The following MTUS1 variants were observed in gnomAD, a reference collection of about 807,000 sequenced individuals.
The protein encoded by MTUS1 is microtubule associated scaffold protein 1.
MTUS1 carries 109 observed loss-of-function variants against 120.8 expected under a neutral mutation model. The observed-to-expected ratio is 0.90, with a 90% CI of 0.77 to 1.06. MTUS1 has a LOEUF of 1.06. Ranked by LOEUF, MTUS1 falls within the 50% of genes least tolerant of loss-of-function variation. The pLI is 0.00. For synonymous variants in MTUS1, 737 were observed against 550.5 expected (o/e 1.34, Z -4.74); for missense variants, 2,210 against 1,486.3 (o/e 1.49, Z -8.01).
At chr8:17,771,746 G>A (rs926180208) in intron 1 of MTUS1, among the ~76,000 whole-genome samples, 5 of 152,160 alleles carry the variant, frequency 3.3e-5, no homozygotes, top group Admixed American at 1.3e-4. Context: ...ACTATTTTCC[G>A]ATAAACAGGG....
Position 17,655,894 on chromosome 8 carries a change from G to A in MTUS1, c.3077C>T (p.Ala1026Val). Residue 1026 changes from alanine (A) to valine (V), a missense_variant, in exon 9 of 15, where the codon GCA becomes GTA. By Grantham distance (64) the Ala-to-Val change is moderately conservative. Coordinates refer to ENST00000693296, the MANE Select transcript of MTUS1 (RefSeq NM_001363059.2). ...EKLRDTYIEE[A>V]EKYKMQLQEQ... The stretch of plus-strand genomic sequence containing the variant: ...TTGCAATTGCATTTTGTACTTCTCT[G>A]CTTCTTCAATGTAAGTGTCCCGAAG... 6.2e-7 allele frequency: 1 copy of A among 1,614,202 alleles called. No individual in the cohort carries two copies. Among genetic ancestry groups the A allele is most frequent in the Non-Finnish European group, 8.5e-7 (1 of 1,180,038 alleles).
chr8:17,754,837 G>A lies in MTUS1; in HGVS notation c.971C>T (p.Ser324Leu), dbSNP rs2048477712. 1.2e-6 allele frequency: 2 copies of A among 1,614,100 alleles called. No individual in the cohort carries two copies. The highest frequency in any genetic ancestry group is 1.7e-5 in the Admixed American group (1 of 60,012). The change falls in exon 2 of 15, where the codon TCA becomes TTA. Residue 324 changes from serine to leucine, a missense_variant. By Grantham distance (145) the Ser-to-Leu change is moderately radical. Transcript: ENST00000693296. ...SHDESNSEPH[S>L]QSSYRHKEMG... ...TTCCTTGTGCCTGTATGAGCTCTGT[G>A]AATGTGGTTCGCTATTGGATTCATC...
chr8:17,645,828 G>A lies in MTUS1; in HGVS notation c.*98C>T, dbSNP rs1045298669. ...CAGTTACCCTACGGTGATCACACGT[G>A]TGCTGATATACCTCTTGTGCCCACG... On this transcript the variant is annotated 3_prime_UTR_variant, in exon 15 of 15. Transcript: ENST00000693296. The A allele has an allele frequency of 1.4e-6, 2 of 1,468,458 alleles. No homozygotes were observed. Among genetic ancestry groups the A allele is most frequent in the East Asian group, 4.9e-5 (2 of 40,590 alleles). The allele number at this position is 1,468,458 out of a possible 1,614,324, so 91.0% of individuals were successfully genotyped here.
intron 5 of MTUS1, among the ~76,000 whole-genome samples, chr8:17,714,894 CTTTTTTTT>C (rs34479493): frequency 7.3e-5 from 4 of 55,172 alleles, no homozygotes; most frequent in African/African-American, 2.3e-4. Flanking sequence ...ACAAATAATG[CTTTTTTTT>C]TTTTTTTTTT....
chr8:17,653,644 G>A (rs1217907108), intron 10 of MTUS1, 146 bp from the exon 11 acceptor site: 4 of 616,132 alleles, frequency 6.5e-6, no homozygotes, highest in African/African-American at 5.7e-5. Flanking sequence ...ATGTAAATTG[G>A]CCATCTGTTC....
chr8:17,680,462 CGCAAAAAAAAAAAAAAAA>C (rs1237611613), intron 7 of MTUS1, among the ~76,000 whole-genome samples: 2 of 92,212 alleles, frequency 2.2e-5, no homozygotes, highest in Non-Finnish European at 4.1e-5. Flanking sequence ...AGGCCACTGT[CGCAAAAAAAAAAAAAAAA>C]AAAAAAAAAA....
intron 1 of MTUS1, among the ~76,000 whole-genome samples, chr8:17,787,740 C>T (rs1178919203): frequency 6.6e-6 from 1 of 152,208 alleles, no homozygotes; most frequent in African/African-American, 2.4e-5. Context: ...TACATTGCTA[C>T]TGTTATGCCA....
chr8:17,769,986 G>T (rs1413110849), intron 1 of MTUS1, among the ~76,000 whole-genome samples: 1 of 151,352 alleles, frequency 6.6e-6, no homozygotes, highest in African/African-American at 2.4e-5. Context: ...TGAGAAATAA[G>T]CAAGGTTCTA....
At chr8:17,790,234 G>T (rs1000404318) in intron 1 of MTUS1, among the ~76,000 whole-genome samples, 63 of 151,862 alleles carry the variant, frequency 4.1e-4, no homozygotes, top group African/African-American at 1.4e-3. Context: ...TGTAGTCCCA[G>T]CTACTCGGGA....
chr8:17,748,980 T>C (rs1457628763), intron 2 of MTUS1, among the ~76,000 whole-genome samples: 1 of 152,182 alleles, frequency 6.6e-6, no homozygotes, highest in Non-Finnish European at 1.5e-5. Context: ...AATTCTCCCT[T>C]TACATTAATG....
intron 6 of MTUS1, chr8:17,692,288 A>C (rs568290319): frequency 1.3e-5 from 2 of 152,316 alleles, no homozygotes; most frequent in Non-Finnish European, 2.9e-5. Flanking sequence ...CCGGCCAATG[A>C]GACGGAAGCT....
At chr8:17,654,855 G>A (rs1212174644) in intron 9 of MTUS1, 189 bp from the exon 10 acceptor site, 1 of 584,056 alleles carries the variant, frequency 1.7e-6, no homozygotes, top group Non-Finnish European at 3.1e-6. Context: ...CTGGGAGGCA[G>A]AGGTGGAGGA....
chr8:17,667,079 AG>A lies in MTUS1; in HGVS notation c.2905+8106del, dbSNP rs542380256. 3.4e-4 allele frequency among the ~76,000 whole-genome samples: 52 copies of A among 152,322 alleles called. No homozygotes were observed. In the South Asian group the frequency reaches 0.011, roughly 32 times the overall value. On this transcript the variant is annotated intron_variant, in intron 8 of 14. Coordinates refer to ENST00000693296, the MANE Select transcript of MTUS1 (RefSeq NM_001363059.2). The stretch of plus-strand genomic sequence containing the variant: ...AGTTAGGACAAGGAACAGGACAAGG[AG>A]GAACAGTCAGTGGGTTTCAAACACA...
At chr8:17,654,875 G>A (rs1324092379) in intron 9 of MTUS1, 5 of 572,766 alleles carry the variant, frequency 8.7e-6, no homozygotes, top group Non-Finnish European at 1.6e-5. Flanking sequence ...ATCACTTGGA[G>A]CCCAGCAGTT....
chr8:17,654,528 A>G (rs766583096), intron 10 of MTUS1, 33 bp downstream of exon 10: 2 of 1,330,608 alleles, frequency 1.5e-6, no homozygotes, highest in South Asian at 1.2e-5. Context: ...TTCAGATTTT[A>G]TTCTGTTTAA....
intron 8 of MTUS1, among the ~76,000 whole-genome samples, chr8:17,670,408 G>GGGGTAAGTGAACGTAT (rs2130580901): frequency 6.6e-6 from 1 of 152,310 alleles, no homozygotes; most frequent in Admixed American, 6.5e-5. Flanking sequence ...CACTATTTAA[G>GGGGTAAGTGAACGTAT]GGGTAAGTGA....
chr8:17,738,673 T>G (rs2047097733), intron 3 of MTUS1, among the ~76,000 whole-genome samples: 1 of 152,156 alleles, frequency 6.6e-6, no homozygotes, highest in East Asian at 1.9e-4. Flanking sequence ...ATCACCTAGG[T>G]ATTAAGCCCG....
Position 17,713,179 on chromosome 8 carries a change from T to G in MTUS1, c.2623+35A>C, listed in dbSNP as rs571475945. 6 of 1,531,360 alleles carry G rather than the reference T, an allele frequency of 3.9e-6. No homozygotes were observed. The Admixed American group carries it at 1.1e-4, about 28-fold the overall frequency. 94.9% of individuals were successfully genotyped at this position (1,531,360 alleles called of 1,614,324 possible). The stretch of plus-strand genomic sequence containing the variant: ...GTAGTAACATAACTTTACAAAAAGA[T>G]TCTTTTTATCGCCATCCATAAAGTG... On this transcript the variant is annotated intron_variant, in intron 6 of 14. Transcript: ENST00000693296.
rs753198612 is a variant in MTUS1 at position 17,646,967 on chromosome 8, C to G, written c.3599+15G>C. The stretch of plus-strand genomic sequence containing the variant: ...AGCGGGGAGCTCGGGAGAAACAGCA[C>G]TGTTTTATTTTTACCTTGAGATTGC... On this transcript the variant is annotated intron_variant, in intron 14 of 14. Transcript: ENST00000693296. 2 of 1,602,802 alleles carry G rather than the reference C, an allele frequency of 1.2e-6. No individual in the cohort carries two copies. Among genetic ancestry groups the G allele is most frequent in the South Asian group, 2.2e-5 (2 of 90,814 alleles).
Sources: gnomAD v4.1 joint callset for allele counts (sites outside exome capture counted in the v4.1 genomes callset) on GRCh38, gnomAD v4.1.1 for gene constraint, MANE v1.5 for transcripts, NCBI Gene and HGNC (gene_info 2026-07-23, HGNC 2026-07-21) for gene names.